The following B3GALT5 variants were observed in gnomAD, a reference collection of about 807,000 sequenced individuals.
B3GALT5 encodes beta-1,3-galactosyltransferase 5, also known as UDP-Gal:betaGlcNAc beta 1,3-galactosyltransferase, polypeptide 5.
For synonymous variants in B3GALT5, 156 were observed against 158.6 expected, an observed-to-expected ratio of 0.98 and a Z score of 0.12; for missense variants, 328 against 396.6, an observed-to-expected ratio of 0.83 and a Z score of 1.47.
At chr21:39,657,080 GTATT>G (rs1325833739) in intron 2 of B3GALT5, among the ~76,000 whole-genome samples, 1 of 152,238 alleles carries the variant, frequency 6.6e-6, no homozygotes, top group Non-Finnish European at 1.5e-5. Context: ...GTTCTGCACT[GTATT>G]TATCTCCTTC....
chr21:39,648,152 C>T (rs2079359296), intron 2 of B3GALT5, among the ~76,000 whole-genome samples: 1 of 152,162 alleles, frequency 6.6e-6, no homozygotes, highest in Non-Finnish European at 1.5e-5. Context: ...ATATTTGACA[C>T]TGTGGACGAA....
In B3GALT5 at chr21:39,642,763, T is replaced by C. The variant is rs146347122; in HGVS notation, c.-391-3629T>C. Among the ~76,000 whole-genome samples the C allele has an allele frequency of 2.0e-3, 298 of 151,706 alleles. 2 individuals carry two copies. Among genetic ancestry groups the C allele is most frequent in the African/African-American group, 6.9e-3 (284 of 41,290 alleles). On this transcript the variant is annotated intron_variant, in intron 1 of 3. Coordinates refer to ENST00000684187, the MANE Select transcript of B3GALT5 (RefSeq NM_001356336.2). The stretch of plus-strand genomic sequence containing the variant: ...TTTTAAATATTTTGTTGGCTGGGCA[T>C]GGTGGCTCACGCCTGTAATCCCAGC...
At position 39,661,474 on chromosome 21, in the gene B3GALT5, A is replaced by G. The variant is rs556149221; in HGVS notation, c.915A>G (p.Glu305=). The G allele has an allele frequency of 1.3e-4, 197 of 1,509,740 alleles. No homozygotes were observed. Among genetic ancestry groups the G allele is most frequent in the Non-Finnish European group, 1.6e-4 (185 of 1,130,164 alleles). The allele number at this position is 1,509,740 out of a possible 1,614,324, so 93.5% of individuals were successfully genotyped here. ...AGGCTCTAGAGAATTCCCGGGGGGA[A>G]GATTGTCCGCCTGTCTGAGGGGAGC... ...YWQALENSRG[E]DCPPV is the part of the protein sequence containing the mutation. The change falls in exon 4 of 4, where the codon GAA becomes GAG. Residue 305 remains glutamate, a synonymous_variant. Coordinates refer to ENST00000684187, the MANE Select transcript of B3GALT5 (RefSeq NM_001356336.2). The surrounding 1 kb of genome is among the most constrained non-coding windows in gnomAD (Gnocchi z 4.7).
intron 1 of B3GALT5, among the ~76,000 whole-genome samples, chr21:39,644,360 T>C (rs1018993388): frequency 2.6e-5 from 4 of 152,086 alleles, no homozygotes; most frequent in African/African-American, 9.7e-5. Flanking sequence ...GGAGTTTCCT[T>C]GTGGGCAAAA....
chr21:39,635,642 C>G (rs985168343), intron 1 of B3GALT5, among the ~76,000 whole-genome samples: 3 of 152,134 alleles, frequency 2.0e-5, no homozygotes, highest in African/African-American at 7.2e-5. Context: ...CCACACCCAG[C>G]TAATTTTGTA....
At chr21:39,637,905 G>T (rs2079240042) in intron 1 of B3GALT5, among the ~76,000 whole-genome samples, 1 of 152,190 alleles carries the variant, frequency 6.6e-6, no homozygotes, top group South Asian at 2.1e-4. Context: ...TTTGAAAGAG[G>T]AAGGATTATT....
chr21:39,643,216 C>T (rs541786784), intron 1 of B3GALT5, among the ~76,000 whole-genome samples: 5 of 151,908 alleles, frequency 3.3e-5, no homozygotes, highest in South Asian at 2.1e-4. Flanking sequence ...TGGGCAGCAT[C>T]GCAGGATTGA....
chr21:39,666,485 G>A lies in B3GALT5; in HGVS notation c.*4993G>A, dbSNP rs1169879895. On this transcript the variant is annotated 3_prime_UTR_variant, in exon 4 of 4. Coordinates refer to ENST00000684187, the MANE Select transcript of B3GALT5 (RefSeq NM_001356336.2). ...ATTTTTGTATTGTTAGTAGAGACGG[G>A]GTTTCACCATGTTGGCCAGGCTGGT... 6.6e-6 allele frequency: 1 copy of A among 152,124 alleles called. No homozygotes were observed. Among genetic ancestry groups the A allele is most frequent in the Non-Finnish European group, 1.5e-5 (1 of 68,092 alleles). 9.4% of individuals were successfully genotyped at this position (152,124 alleles called of 1,614,324 possible). A position where few individuals can be genotyped will look rare whatever the true frequency, so the allele number is the denominator to read the frequency against.
chr21:39,613,118 G>A (rs2050482230), intron 1 of B3GALT5, 51 bp downstream of exon 1: 1 of 148,888 alleles, frequency 6.7e-6, no homozygotes, highest in Non-Finnish European at 1.5e-5. Context: ...GCCGGGAGCG[G>A]GGGGCCGGGT....
rs2079521791 is a variant in B3GALT5 at position 39,661,389 on chromosome 21, T to C, written c.830T>C (p.Leu277Pro). Residue 277 changes from leucine (L) to proline (P), a missense_variant, in exon 4 of 4, where the codon CTC becomes CCC. Coordinates refer to ENST00000684187, the MANE Select transcript of B3GALT5 (RefSeq NM_001356336.2). The surrounding 1 kb of genome is among the most constrained non-coding windows in gnomAD (Gnocchi z 4.7). ...GGGGGCTTACGCTTCTCCGTATGCC[T>C]CTTCAGGAGGATCGTGGCCTGCCAC... The part of the protein sequence containing the change: ...FPGGLRFSVC[L>P]FRRIVACHFI... 4.4e-6 allele frequency: 7 copies of C among 1,584,084 alleles called. No individual in the cohort carries two copies. Among genetic ancestry groups the C allele is most frequent in the Non-Finnish European group, 6.0e-6 (7 of 1,165,548 alleles).
chr21:39,616,619 C>A (rs1427660303), intron 1 of B3GALT5, among the ~76,000 whole-genome samples: 1 of 152,096 alleles, frequency 6.6e-6, no homozygotes, highest in African/African-American at 2.4e-5. Context: ...TTCAGCTGAA[C>A]CTTTAGATAA....
intron 1 of B3GALT5, among the ~76,000 whole-genome samples, chr21:39,641,038 C>A (rs1013349685): frequency 1.3e-5 from 2 of 152,166 alleles, no homozygotes. Flanking sequence ...AACCACTGCA[C>A]CCAGCTGCAT....
chr21:39,639,379 C>T (rs1227304775), intron 1 of B3GALT5, among the ~76,000 whole-genome samples: 71 of 114,840 alleles, frequency 6.2e-4, no homozygotes, highest in African/African-American at 2.2e-3. Context: ...TCCTTCCTTC[C>T]TTCCTTCCTT....
intron 2 of B3GALT5, among the ~76,000 whole-genome samples, chr21:39,658,331 C>G (rs2146215642): frequency 6.6e-6 from 1 of 152,220 alleles, no homozygotes; most frequent in South Asian, 2.1e-4. Context: ...GAGCGCCCAT[C>G]CCTGGGAATT....
intron 1 of B3GALT5, among the ~76,000 whole-genome samples, chr21:39,630,735 T>G (rs549824930): frequency 6.6e-6 from 1 of 152,208 alleles, no homozygotes; most frequent in Non-Finnish European, 1.5e-5. Context: ...CTGAGAGTGG[T>G]GACCAGAAGA....
At chr21:39,634,636 G>T (rs2079214389) in intron 1 of B3GALT5, among the ~76,000 whole-genome samples, 1 of 152,098 alleles carries the variant, frequency 6.6e-6, no homozygotes, top group African/African-American at 2.4e-5. Flanking sequence ...GCCAGCATTT[G>T]CATCCCTGCA....
In B3GALT5 at chr21:39,668,254, A is replaced by G. The variant is rs556758761; in HGVS notation, c.*6762A>G. On this transcript the variant is annotated 3_prime_UTR_variant, in exon 4 of 4. Transcript: ENST00000684187. ...GAGGACCCAGGTTACAACTTGCTCA[A>G]GTAGACCCAGGATCTAGGCTTATCC... 2.0e-5 allele frequency: 3 copies of G among 152,280 alleles called. No individual in the cohort carries two copies. Among genetic ancestry groups the G allele is most frequent in the Non-Finnish European group, 4.4e-5 (3 of 68,118 alleles). The allele number at this position is 152,280 out of a possible 1,614,324, so 9.4% of individuals were successfully genotyped here.
rs958669014 is a variant in B3GALT5, at chr21:39,671,749, A to C, written c.*10257A>C. 1.2e-4 allele frequency: 18 copies of C among 152,226 alleles called. No individual in the cohort carries two copies. Among genetic ancestry groups the C allele is most frequent in the Admixed American group, 4.6e-4 (7 of 15,284 alleles). 9.4% of individuals were successfully genotyped at this position (152,226 alleles called of 1,614,324 possible). A position where few individuals can be genotyped will look rare whatever the true frequency, so the allele number is the denominator to read the frequency against. On this transcript the variant is annotated 3_prime_UTR_variant, in exon 4 of 4. Transcript: ENST00000684187. ...TGCTTACATTCTCTGTTGGGAATGT[A>C]GAGAGAAGGATTTGCAGTGTGTGGC...
intron 1 of B3GALT5, among the ~76,000 whole-genome samples, chr21:39,644,257 G>GCTTTA (rs1245916163): frequency 1.3e-5 from 2 of 152,122 alleles, no homozygotes; most frequent in Non-Finnish European, 2.9e-5. Context: ...TCTGTCCTAC[G>GCTTTA]TCCCCAACAC....
Sources: allele counts gnomAD v4.1 joint callset (sites outside exome capture counted in the v4.1 genomes callset), GRCh38; gene constraint gnomAD v4.1.1; non-coding constraint Gnocchi (gnomAD v3.1); transcripts MANE v1.5; gene names NCBI Gene and HGNC (gene_info 2026-07-23, HGNC 2026-07-21).